Variants in TENM3 observed in about 807,000 individuals in gnomAD.
TENM3 encodes teneurin transmembrane protein 3, also known as teneurin-3.
A neutral mutation model predicts 255.1 loss-of-function variants in TENM3; 63 were observed. The ratio of observed to expected loss-of-function variants is 0.25; its 90% CI spans 0.20 to 0.30. TENM3 has a LOEUF of 0.30. Ranked by LOEUF, TENM3 falls within the 10% of genes least tolerant of loss-of-function variation. TENM3 has a pLI of 1.00. For missense variants in TENM3, 2,929 were observed against 3,461.1 expected (o/e 0.85, Z 3.86); for synonymous variants, 1,306 against 1,322.3 (o/e 0.99, Z 0.27).
intron 1 of TENM3, among the ~76,000 whole-genome samples, chr4:182,179,036 C>T (rs771291064): frequency 1.3e-5 from 2 of 152,164 alleles, no homozygotes; most frequent in Non-Finnish European, 2.9e-5. Context: ...GACTGAAGAA[C>T]AGTATAGTGC....
chr4:181,562,477 G>T, the TENM3 span, among the ~76,000 whole-genome samples: 1 of 152,056 alleles, frequency 6.6e-6, no homozygotes, highest in African/African-American at 2.4e-5. Context: ...CTAGATGTGG[G>T]CCAGTTGTCT....
chr4:182,577,147 A>T (rs1012411076), intron 3 of TENM3, among the ~76,000 whole-genome samples: 2 of 152,220 alleles, frequency 1.3e-5, no homozygotes, highest in Non-Finnish European at 2.9e-5. Flanking sequence ...GCATTAGCTT[A>T]TCGGAAAAAC....
the TENM3 span, among the ~76,000 whole-genome samples, chr4:181,812,176 G>A: frequency 6.6e-6 from 1 of 152,102 alleles, no homozygotes; most frequent in Non-Finnish European, 1.5e-5. Flanking sequence ...TAGAGCTGGT[G>A]GCTTTCATTA....
At chr4:182,299,643 T>G (rs761233686) in intron 1 of TENM3, among the ~76,000 whole-genome samples, 1 of 152,222 alleles carries the variant, frequency 6.6e-6, no homozygotes, top group South Asian at 2.1e-4. Flanking sequence ...TCAGGATAAT[T>G]TGGACCAACC....
Position 182,600,521 on chromosome 4 carries a change from A to G in TENM3, c.512-403A>G, listed in dbSNP as rs570908234. Among the ~76,000 whole-genome samples the G allele has an allele frequency of 2.2e-3, 342 of 152,214 alleles. 3 individuals are homozygous for G. The highest frequency in any genetic ancestry group is 8.0e-3 in the African/African-American group (332 of 41,534). On this transcript the variant is annotated intron_variant, in intron 3 of 27. Coordinates refer to ENST00000511685, the MANE Select transcript of TENM3 (RefSeq NM_001080477.4). Reference sequence around the variant, plus strand: ...TATAGGGATTATATGCATTTTGAAAACCTTTGTGTTCTACTGAAATTACCC... The same window carrying G: ...TATAGGGATTATATGCATTTTGAAAGCCTTTGTGTTCTACTGAAATTACCC...
At chr4:181,477,010 A>G in the TENM3 span, among the ~76,000 whole-genome samples, 3 of 152,224 alleles carry the variant, frequency 2.0e-5, no homozygotes, top group African/African-American at 7.2e-5. Context: ...ATCAAGAAGA[A>G]AATTGTGCTC....
chr4:182,156,332 G>A (rs993413322), intron 1 of TENM3, among the ~76,000 whole-genome samples: 3 of 152,018 alleles, frequency 2.0e-5, no homozygotes, highest in Non-Finnish European at 2.9e-5. Flanking sequence ...TCTGTGAATC[G>A]TTTTTTTCTT....
chr4:182,116,894 C>A, the TENM3 span, among the ~76,000 whole-genome samples: 29 of 152,198 alleles, frequency 1.9e-4, no homozygotes, highest in Non-Finnish European at 4.0e-4. Context: ...AAGTGCACCA[C>A]TCTGCATTAC....
chr4:182,160,813 A>C (rs551146588), intron 1 of TENM3, among the ~76,000 whole-genome samples: 23 of 152,316 alleles, frequency 1.5e-4, no homozygotes, highest in African/African-American at 5.5e-4. Context: ...AAGAGCTATA[A>C]GAGAGGAGTT....
At chr4:181,928,260 T>C in the TENM3 span, among the ~76,000 whole-genome samples, 1 of 151,930 alleles carries the variant, frequency 6.6e-6, no homozygotes, top group Non-Finnish European at 1.5e-5. Flanking sequence ...TCTAACCCAA[T>C]GCAAGGAAGC....
the TENM3 span, among the ~76,000 whole-genome samples, chr4:181,491,190 T>G: frequency 6.6e-6 from 1 of 151,774 alleles, no homozygotes; most frequent in Non-Finnish European, 1.5e-5. Context: ...AGAATGGGAG[T>G]GGTAAATGCT....
intron 3 of TENM3, among the ~76,000 whole-genome samples, chr4:182,551,888 A>G (rs770889596): frequency 2.6e-5 from 4 of 151,644 alleles, no homozygotes; most frequent in Non-Finnish European, 4.4e-5. Flanking sequence ...GTGGTAGTGC[A>G]TGCCTGTAAG....
At chr4:182,399,111 A>G (rs1769053963) in intron 3 of TENM3, among the ~76,000 whole-genome samples, 1 of 152,344 alleles carries the variant, frequency 6.6e-6, no homozygotes, top group South Asian at 2.1e-4. Context: ...ATTGACTAAT[A>G]AGCTTATAAA....
the TENM3 span, among the ~76,000 whole-genome samples, chr4:181,619,312 G>C: frequency 6.6e-6 from 1 of 152,042 alleles, no homozygotes; most frequent in Non-Finnish European, 1.5e-5. Flanking sequence ...CTGTGATCCT[G>C]TTTGTGTGAT....
At chr4:182,454,396 T>C (rs78129625) in intron 3 of TENM3, among the ~76,000 whole-genome samples, 565 of 152,288 alleles carry the variant, frequency 3.7e-3, no homozygotes, top group African/African-American at 0.013. Flanking sequence ...AAATACCCCT[T>C]CATTAAAAAT....
chr4:182,551,835 G>A (rs1377238769), intron 3 of TENM3, among the ~76,000 whole-genome samples: 1 of 151,874 alleles, frequency 6.6e-6, no homozygotes, highest in African/African-American at 2.4e-5. Context: ...ACCCTTGGCA[G>A]CATAGTGAGA....
chr4:182,084,756 A>G, the TENM3 span: 1 of 152,222 alleles, frequency 6.6e-6, no homozygotes, highest in Non-Finnish European at 1.5e-5. Flanking sequence ...TCAGTTGACC[A>G]TGACATCTTA....
intron 24 of TENM3, among the ~76,000 whole-genome samples, chr4:182,784,370 GT>G: frequency 6.6e-6 from 1 of 152,028 alleles, no homozygotes; most frequent in East Asian, 1.9e-4. Context: ...CTGCTCAGGG[GT>G]CAGGGGTCAG....
At chr4:181,662,188 T>C in the TENM3 span, among the ~76,000 whole-genome samples, 9 of 152,124 alleles carry the variant, frequency 5.9e-5, no homozygotes, top group Non-Finnish European at 1.0e-4. Flanking sequence ...CAAACGGAGG[T>C]TTTATCCACT....
Sources: gnomAD v4.1 joint callset for allele counts (sites outside exome capture counted in the v4.1 genomes callset) on GRCh38, gnomAD v4.1.1 for gene constraint, MANE v1.5 for transcripts, NCBI Gene and HGNC (gene_info 2026-07-23, HGNC 2026-07-21) for gene names.